The following ZNF184 variants were observed in gnomAD, a reference collection of about 807,000 sequenced individuals.
ZNF184 encodes zinc finger protein 184, also known as zinc finger protein 184 (Kruppel-like).
A neutral mutation model predicts 54.4 loss-of-function variants in ZNF184; 16 were observed. That is an observed-to-expected ratio of 0.29 (90% CI 0.20 to 0.45). ZNF184 has a LOEUF of 0.45. ZNF184 is among the 20% of genes least tolerant of loss of function. The probability of loss-of-function intolerance (pLI) is 1.00; values close to 1 mark genes in which losing one functional copy is unlikely to be tolerated. For synonymous variants in ZNF184, 254 were observed against 295.3 expected (o/e 0.86, Z 1.43); for missense variants, 681 against 888.2 (o/e 0.77, Z 2.97).
chr6:27,422,148 A>AAAAAAAGAAAAAGAAAG, the ZNF184 span, among the ~76,000 whole-genome samples: 6 of 43,456 alleles, frequency 1.4e-4, 1 homozygote, highest in African/African-American at 5.1e-4. Context: ...CTCAAAAAAA[A>AAAAAAAGAAAAAGAAAG]AAAGAAAGAA....
Position 27,472,182 on chromosome 6 carries a change from T to A in ZNF184, c.7+106A>T. The A allele has an allele frequency of 6.8e-7, 1 of 1,480,600 alleles. No individual in the cohort carries two copies. Among genetic ancestry groups the A allele is most frequent in the Non-Finnish European group, 9.3e-7 (1 of 1,073,368 alleles). 91.7% of individuals were successfully genotyped at this position (1,480,600 alleles called of 1,614,324 possible). On this transcript the variant is annotated intron_variant, in intron 2 of 5. Transcript: ENST00000683788. The surrounding 1 kb of genome is among the most constrained non-coding windows in gnomAD (Gnocchi z 4.8). ...TCTTTGCTAATCCCTAAGCATACCGTTCCTTCCTTCCAAATCTCCTGCTCT... is the reference window on the plus strand; with the variant it reads ...TCTTTGCTAATCCCTAAGCATACCGATCCTTCCTTCCAAATCTCCTGCTCT...
chr6:27,428,333 G>C, the ZNF184 span, among the ~76,000 whole-genome samples: 3 of 152,160 alleles, frequency 2.0e-5, no homozygotes, highest in Non-Finnish European at 4.4e-5. This position sits in a 1 kb window ranked among gnomAD's most constrained non-coding sequence, Gnocchi z 4.1. Context: ...AGAAATAACT[G>C]GTCCTACTCA....
chr6:27,405,107 G>A, the ZNF184 span: 1 of 151,994 alleles, frequency 6.6e-6, no homozygotes, highest in South Asian at 2.1e-4. Flanking sequence ...TATTAGGTTG[G>A]TGCAAAAGTA....
intron 3 of ZNF184, among the ~76,000 whole-genome samples, chr6:27,466,422 C>G (rs1160537455): frequency 6.6e-6 from 1 of 152,130 alleles, no homozygotes; most frequent in African/African-American, 2.4e-5. Context: ...ATAGAACATT[C>G]TATAAAACAA....
intron 5 of ZNF184, among the ~76,000 whole-genome samples, chr6:27,454,393 A>G (rs1241815179): frequency 2.0e-5 from 3 of 152,220 alleles, no homozygotes; most frequent in Non-Finnish European, 4.4e-5. Flanking sequence ...GCCTCACAGC[A>G]GTAGAATTTC....
At chr6:27,458,964 G>C (rs1762932885) in intron 3 of ZNF184, among the ~76,000 whole-genome samples, 1 of 152,186 alleles carries the variant, frequency 6.6e-6, no homozygotes, top group Admixed American at 6.5e-5. Flanking sequence ...ATTATGTTAA[G>C]TGAAATATGC....
the ZNF184 span, among the ~76,000 whole-genome samples, chr6:27,411,858 G>A: frequency 7.2e-5 from 11 of 152,322 alleles, no homozygotes; most frequent in Admixed American, 1.3e-4. Context: ...CCCCTGTGGA[G>A]GCCAGCCGCC....
intron 3 of ZNF184, among the ~76,000 whole-genome samples, chr6:27,458,624 G>A (rs1392450042): frequency 6.6e-6 from 1 of 151,956 alleles, no homozygotes; most frequent in Non-Finnish European, 1.5e-5. Context: ...ATACAACACT[G>A]GTGGGAATGT....
In ZNF184 at chr6:27,472,451, G is replaced by A; in HGVS notation, c.-139-18C>T. ...TGTCTACCCTAAAAGACACAGGATG[G>A]CGTCAGCAGCATACGTCACACAATC... is the stretch of plus-strand genomic sequence containing the variant. On this transcript the variant is annotated intron_variant, in intron 1 of 5. Coordinates refer to ENST00000683788, the MANE Select transcript of ZNF184 (RefSeq NM_001318891.2). The surrounding 1 kb of genome is among the most constrained non-coding windows in gnomAD (Gnocchi z 4.8). The A allele has an allele frequency of 1.2e-6, 1 of 840,326 alleles. No homozygotes were observed. Among genetic ancestry groups the A allele is most frequent in the Non-Finnish European group, 1.9e-6 (1 of 524,278 alleles). The allele number at this position is 840,326 out of a possible 1,614,324, so 52.1% of individuals were successfully genotyped here. A position where few individuals can be genotyped will look rare whatever the true frequency, so the allele number is the denominator to read the frequency against.
intron 3 of ZNF184, among the ~76,000 whole-genome samples, chr6:27,458,038 T>A (rs1026550119): frequency 6.6e-6 from 1 of 151,418 alleles, no homozygotes; most frequent in Admixed American, 6.6e-5. Context: ...AACAAACGAC[T>A]GTCTATGAAA....
At chr6:27,434,533 G>C in the ZNF184 span, among the ~76,000 whole-genome samples, 1 of 152,026 alleles carries the variant, frequency 6.6e-6, no homozygotes, top group Non-Finnish European at 1.5e-5. Context: ...TTGAGTTGTA[G>C]GTGTTCTTTA....
the ZNF184 span, among the ~76,000 whole-genome samples, chr6:27,418,518 T>C: frequency 6.6e-6 from 1 of 152,250 alleles, no homozygotes; most frequent in African/African-American, 2.4e-5. Flanking sequence ...TTTTCCTCCA[T>C]ACTTGTTCAC....
chr6:27,444,916 A>C, the ZNF184 span, among the ~76,000 whole-genome samples: 2 of 152,206 alleles, frequency 1.3e-5, no homozygotes, highest in Non-Finnish European at 2.9e-5. Context: ...TCTAATAGGC[A>C]TCTAAAACAC....
At chr6:27,424,839 C>G in the ZNF184 span, among the ~76,000 whole-genome samples, 1 of 152,218 alleles carries the variant, frequency 6.6e-6, no homozygotes, top group Admixed American at 6.5e-5. Flanking sequence ...CTCCTCAGCC[C>G]TTGGGTCGTC....
At chr6:27,423,636 C>CA in the ZNF184 span, among the ~76,000 whole-genome samples, 6 of 96,086 alleles carry the variant, frequency 6.2e-5, no homozygotes, top group Admixed American at 3.5e-4. Context: ...GATGAAAAGC[C>CA]AAAAAAACAA....
intron 2 of ZNF184, among the ~76,000 whole-genome samples, chr6:27,468,474 T>TA (rs1322450088): frequency 1.3e-5 from 2 of 152,208 alleles, no homozygotes; most frequent in Non-Finnish European, 2.9e-5. Flanking sequence ...TGGTAGTTTA[T>TA]ACTAAGCTAA....
At chr6:27,465,484 C>CAAAAAAAAAAAA (rs60538455) in intron 3 of ZNF184, among the ~76,000 whole-genome samples, 1 of 35,168 alleles carries the variant, frequency 2.8e-5, no homozygotes, top group Non-Finnish European at 4.9e-5. Flanking sequence ...GACTCCATCT[C>CAAAAAAAAAAAA]AAAAAAAAAA....
the ZNF184 span, among the ~76,000 whole-genome samples, chr6:27,422,193 AAAGAAAGAAAGAAAGAAAG>A: frequency 1.2e-5 from 1 of 85,388 alleles, no homozygotes; most frequent in African/African-American, 4.0e-5. Context: ...AGAAAGAAAG[AAAGAAAGAAAGAAAGAAAG>A]AAAGAAAAGA....
the ZNF184 span, among the ~76,000 whole-genome samples, chr6:27,412,645 C>A: frequency 2.0e-5 from 3 of 152,216 alleles, no homozygotes; most frequent in Non-Finnish European, 4.4e-5. Flanking sequence ...TGTGACACAG[C>A]CCCAGGACAT....
Sources: gnomAD v4.1 joint callset for allele counts (sites outside exome capture counted in the v4.1 genomes callset) on GRCh38, gnomAD v4.1.1 for gene constraint, Gnocchi (gnomAD v3.1) non-coding constraint, MANE v1.5 for transcripts, NCBI Gene and HGNC (gene_info 2026-07-23, HGNC 2026-07-21) for gene names.